Variants in RUNX1 observed in about 807,000 individuals in gnomAD.
RUNX1 encodes runt-related transcription factor 1.
In RUNX1, 19 loss-of-function variants were observed where a neutral mutation model predicts 42.8. That is an observed-to-expected ratio of 0.44 (90% CI 0.31 to 0.65). The LOEUF (loss-of-function observed/expected upper bound fraction) is 0.65. Among genes scored for constraint, RUNX1 ranks in the 30% least tolerant of loss-of-function variants. The probability of loss-of-function intolerance (pLI) is 0.07; values close to 1 mark genes in which losing one functional copy is unlikely to be tolerated. For synonymous variants in RUNX1, 271 were observed against 289.4 expected (o/e 0.94, Z 0.64); for missense variants, 528 against 672.0 (o/e 0.79, Z 2.37).
chr21:35,010,615 ACACACACACG>A (rs2146909328), intron 2 of RUNX1, among the ~76,000 whole-genome samples: 1 of 148,242 alleles, frequency 6.7e-6, no homozygotes, highest in Non-Finnish European at 1.5e-5. Flanking sequence ...TACCGTGAGT[ACACACACACG>A]CACACACACA....
At chr21:34,853,563 T>A (rs2057454660) in intron 6 of RUNX1, among the ~76,000 whole-genome samples, 1 of 152,250 alleles carries the variant, frequency 6.6e-6, no homozygotes, top group African/African-American at 2.4e-5. Flanking sequence ...GGTATACGAT[T>A]TATTTTTTCT....
At chr21:34,908,720 T>C (rs1226083045) in intron 2 of RUNX1, among the ~76,000 whole-genome samples, 1 of 152,216 alleles carries the variant, frequency 6.6e-6, no homozygotes, top group Non-Finnish European at 1.5e-5. Flanking sequence ...AATTTGTAGG[T>C]CTTTATTGCA....
chr21:34,995,986 T>C (rs1335650863), intron 2 of RUNX1, among the ~76,000 whole-genome samples: 2 of 152,216 alleles, frequency 1.3e-5, no homozygotes, highest in South Asian at 2.1e-4. Flanking sequence ...CCACCACACA[T>C]TCAGCATAGA....
intron 4 of RUNX1, 62 bp downstream of exon 4, chr21:34,886,781 C>G (rs1163000656): frequency 3.7e-6 from 6 of 1,608,962 alleles, no homozygotes; most frequent in Non-Finnish European, 5.1e-6. Flanking sequence ...GCTGCCCTCG[C>G]GGATCTCCCC....
intron 2 of RUNX1, among the ~76,000 whole-genome samples, chr21:35,008,799 T>C (rs1388478214): frequency 6.6e-6 from 1 of 152,156 alleles, no homozygotes; most frequent in African/African-American, 2.4e-5. Flanking sequence ...TATGGAATGA[T>C]CATTACAGAC....
chr21:35,006,439 C>G (rs1159429064), intron 2 of RUNX1, among the ~76,000 whole-genome samples: 3 of 152,142 alleles, frequency 2.0e-5, no homozygotes, highest in African/African-American at 7.2e-5. Flanking sequence ...TCCAGAGCAC[C>G]CTTCCTCTAG....
chr21:34,893,618 G>T (rs1264849678), intron 2 of RUNX1, among the ~76,000 whole-genome samples: 4 of 151,968 alleles, frequency 2.6e-5, no homozygotes, highest in Admixed American at 1.3e-4. Context: ...TACATATAAT[G>T]TTGTGAATTT....
intron 7 of RUNX1, among the ~76,000 whole-genome samples, chr21:34,825,825 T>C (rs1043056143): frequency 1.2e-4 from 18 of 152,222 alleles, no homozygotes; most frequent in Admixed American, 8.5e-4. Flanking sequence ...TATAGTAACA[T>C]GTATCCTTAG....
intron 6 of RUNX1, among the ~76,000 whole-genome samples, chr21:34,857,727 T>G (rs2057515253): frequency 6.6e-6 from 1 of 152,228 alleles, no homozygotes; most frequent in African/African-American, 2.4e-5. Context: ...CTGCTTCCTC[T>G]TTGGTCCTCT....
intron 7 of RUNX1, among the ~76,000 whole-genome samples, chr21:34,815,409 C>T (rs900867203): frequency 3.3e-5 from 5 of 152,188 alleles, no homozygotes; most frequent in African/African-American, 9.7e-5. Flanking sequence ...GTGGAGGAAG[C>T]ACCAAGTGAA....
intron 8 of RUNX1, among the ~76,000 whole-genome samples, chr21:34,797,553 T>C (rs138242023): frequency 3.9e-5 from 6 of 152,292 alleles, no homozygotes; most frequent in African/African-American, 1.4e-4. Context: ...CAGGCATTAT[T>C]TCAGGTGAAG....
At chr21:34,971,558 A>G (rs1309842194) in intron 2 of RUNX1, among the ~76,000 whole-genome samples, 4 of 151,812 alleles carry the variant, frequency 2.6e-5, no homozygotes, top group Non-Finnish European at 4.4e-5. Flanking sequence ...ACCACCATCT[A>G]TCTTATCCAC....
intron 6 of RUNX1, among the ~76,000 whole-genome samples, chr21:34,837,369 G>T (rs376641130): frequency 2.0e-5 from 3 of 152,282 alleles, no homozygotes; most frequent in African/African-American, 7.2e-5. Context: ...CCAAGGCACA[G>T]GGGAAATGAG....
intron 5 of RUNX1, among the ~76,000 whole-genome samples, chr21:34,877,909 G>C (rs1040776319): frequency 6.6e-6 from 1 of 152,138 alleles, no homozygotes; most frequent in African/African-American, 2.4e-5. Flanking sequence ...TCAGACTGGT[G>C]GCTTTTGACA....
chr21:34,842,436 A>G (rs1355223984), intron 6 of RUNX1, among the ~76,000 whole-genome samples: 3 of 132,054 alleles, frequency 2.3e-5, no homozygotes, highest in Non-Finnish European at 1.6e-5. Flanking sequence ...TAGAGGCTGT[A>G]GTAAGCCAAG....
chr21:34,903,379 TTAC>T (rs1235297810), intron 2 of RUNX1, among the ~76,000 whole-genome samples: 2 of 152,312 alleles, frequency 1.3e-5, no homozygotes, highest in Admixed American at 6.5e-5. Flanking sequence ...ATTATTATTA[TTAC>T]AACTGTTACT....
At position 34,790,342 on chromosome 21, in the gene RUNX1, AAC is replaced by A. The variant is rs1282768115; in HGVS notation, c.*1791_*1792del. 4.3e-6 allele frequency: 1 copy of A among 233,588 alleles called. No homozygotes were observed. The highest frequency in any genetic ancestry group is 2.2e-5 in the African/African-American group (1 of 45,368). 14.5% of individuals were successfully genotyped at this position (233,588 alleles called of 1,614,324 possible). On this transcript the variant is annotated 3_prime_UTR_variant, in exon 9 of 9. Transcript: ENST00000675419. Reference sequence around the variant, plus strand: ...GCTTAAATTTATAAAATAAAAATCAAACACTGTTCTGAAGTCCTGCTTTCAAA... The same window carrying A: ...GCTTAAATTTATAAAATAAAAATCAAACTGTTCTGAAGTCCTGCTTTCAAA...
intron 2 of RUNX1, among the ~76,000 whole-genome samples, chr21:34,973,435 T>C (rs1362531422): frequency 6.6e-6 from 1 of 152,238 alleles, no homozygotes; most frequent in Non-Finnish European, 1.5e-5. Context: ...AGTGTCATCA[T>C]GTGTGGGAAA....
Position 35,048,822 on chromosome 21 carries a change from C to T in RUNX1, c.58+20G>A, listed in dbSNP as rs374862060. ...CAAAGCTGAGCAAAAGTAGATATTA[C>T]AAGACCAGCATGTACTCACCTCTCA... On this transcript the variant is annotated intron_variant, in intron 2 of 8. Transcript: ENST00000675419. 9.3e-6 allele frequency: 15 copies of T among 1,606,518 alleles called. No individual in the cohort carries two copies. Among genetic ancestry groups the T allele is most frequent in the Non-Finnish European group, 1.3e-5 (15 of 1,173,190 alleles).
Sources: gnomAD v4.1 joint callset for allele counts (sites outside exome capture counted in the v4.1 genomes callset) on GRCh38, gnomAD v4.1.1 for gene constraint, MANE v1.5 for transcripts, NCBI Gene and HGNC (gene_info 2026-07-23, HGNC 2026-07-21) for gene names.